EYA4: variants seen among roughly 807,000 people sequenced by gnomAD.
The protein encoded by EYA4 is EYA transcriptional coactivator and phosphatase 4, also known as protein phosphatase EYA4.
EYA4 carries 31 observed loss-of-function variants against 87.9 expected under a neutral mutation model. The ratio of observed to expected loss-of-function variants is 0.35; its 90% CI spans 0.27 to 0.48. The LOEUF (loss-of-function observed/expected upper bound fraction) is 0.48, where lower values mean the gene tolerates loss of function less well. Ranked by LOEUF, EYA4 falls within the 20% of genes least tolerant of loss-of-function variation. The pLI, the probability that EYA4 is intolerant of heterozygous loss-of-function variation, is 0.99. For missense variants in EYA4, 678 were observed against 761.4 expected (o/e 0.89, Z 1.29); for synonymous variants, 263 against 270.6 (o/e 0.97, Z 0.28).
At chr6:133,406,442 C>G (rs1788717447) in intron 3 of EYA4, among the ~76,000 whole-genome samples, 1 of 152,234 alleles carries the variant, frequency 6.6e-6, no homozygotes, top group Admixed American at 6.5e-5. Flanking sequence ...GGCACACCCA[C>G]TGAGTCACTG....
chr6:133,278,934 A>G (rs1562240273), intron 2 of EYA4, among the ~76,000 whole-genome samples: 1 of 152,182 alleles, frequency 6.6e-6, no homozygotes, highest in Non-Finnish European at 1.5e-5. Flanking sequence ...AATGTAGGTT[A>G]TACCTAGCAA....
chr6:133,372,991 A>G (rs896463397), intron 2 of EYA4, among the ~76,000 whole-genome samples: 14 of 152,196 alleles, frequency 9.2e-5, no homozygotes, highest in Non-Finnish European at 1.8e-4. Flanking sequence ...GCACACAGAT[A>G]AACTTTAACA....
At chr6:133,326,816 C>G (rs565360782) in intron 2 of EYA4, among the ~76,000 whole-genome samples, 1 of 152,126 alleles carries the variant, frequency 6.6e-6, no homozygotes, top group Admixed American at 6.5e-5. Flanking sequence ...CTTTAAGTAC[C>G]GGTGACGTCG....
At chr6:133,495,986 C>A (rs1349100236) in intron 13 of EYA4, among the ~76,000 whole-genome samples, 2 of 152,158 alleles carry the variant, frequency 1.3e-5, no homozygotes, top group Admixed American at 1.3e-4. Flanking sequence ...GGAATGCTTA[C>A]ATTTTATAGC....
At chr6:133,432,636 T>G (rs979799699) in intron 3 of EYA4, among the ~76,000 whole-genome samples, 1 of 152,152 alleles carries the variant, frequency 6.6e-6, no homozygotes, top group African/African-American at 2.4e-5. Flanking sequence ...CTTTAATGGC[T>G]CCTATTCAGG....
At chr6:133,248,184 T>G (rs993692659) in intron 1 of EYA4, 1 of 152,230 alleles carries the variant, frequency 6.6e-6, no homozygotes, top group Non-Finnish European at 1.5e-5. Flanking sequence ...CTTTAAAGAC[T>G]GTAAGAAGAA....
chr6:133,454,480 G>C (rs1026994527), intron 5 of EYA4, among the ~76,000 whole-genome samples: 1 of 152,086 alleles, frequency 6.6e-6, no homozygotes, highest in Non-Finnish European at 1.5e-5. Context: ...CACACTACTT[G>C]GTCTCAAATT....
intron 13 of EYA4, among the ~76,000 whole-genome samples, chr6:133,487,872 T>C (rs1796812647): frequency 6.6e-6 from 1 of 152,114 alleles, no homozygotes; most frequent in African/African-American, 2.4e-5. Flanking sequence ...AAAGGGGACT[T>C]CCTCTTGCAG....
rs1026298808 is a variant in EYA4, at chr6:133,260,535, G to T, written c.-65-14181G>T. On this transcript the variant is annotated intron_variant, in intron 1 of 19. Transcript: ENST00000355286. ...TTACAGGCATGAGCCACCGCACCTCGCCTGTAGTTTATAACTTTTGGTGGA... is the reference window on the plus strand; with the variant it reads ...TTACAGGCATGAGCCACCGCACCTCTCCTGTAGTTTATAACTTTTGGTGGA... 1.2e-4 allele frequency among the ~76,000 whole-genome samples: 18 copies of T among 152,242 alleles called. 1 individual carries two copies. The Middle Eastern group carries it at 0.014, about 115-fold the overall frequency.
At chr6:133,383,517 CAAAAAAAAAAAAAAAAAAA>C (rs768724484) in intron 3 of EYA4, among the ~76,000 whole-genome samples, 4 of 45,242 alleles carry the variant, frequency 8.8e-5, no homozygotes, top group Non-Finnish European at 1.5e-4. Context: ...GACTCCATCT[CAAAAAAAAAAAAAAAAAAA>C]AAAAAAAAAT....
intron 3 of EYA4, among the ~76,000 whole-genome samples, chr6:133,385,581 A>T (rs549339574): frequency 1.3e-5 from 2 of 152,270 alleles, no homozygotes; most frequent in African/African-American, 4.8e-5. Flanking sequence ...ACTACTGCCT[A>T]AAAAATGCTG....
chr6:133,303,892 T>C (rs1236163329), intron 2 of EYA4, among the ~76,000 whole-genome samples: 1 of 121,152 alleles, frequency 8.3e-6, no homozygotes, highest in African/African-American at 2.6e-5. Context: ...CTAAATTTAA[T>C]ATGAGATTAT....
intron 12 of EYA4, among the ~76,000 whole-genome samples, chr6:133,481,874 G>A (rs907347772): frequency 6.6e-6 from 1 of 152,092 alleles, no homozygotes; most frequent in Non-Finnish European, 1.5e-5. Flanking sequence ...AATTGGCACC[G>A]ACAAATTTTA....
intron 13 of EYA4, among the ~76,000 whole-genome samples, chr6:133,501,112 C>A (rs1322559171): frequency 1.3e-5 from 2 of 152,080 alleles, no homozygotes; most frequent in Non-Finnish European, 2.9e-5. Flanking sequence ...ATACCTAGCT[C>A]CCTCACCTTT....
chr6:133,531,434 C>G lies in EYA4; in HGVS notation c.*2629C>G. 1.8e-6 allele frequency: 1 copy of G among 545,670 alleles called. No individual in the cohort carries two copies. Among genetic ancestry groups the G allele is most frequent in the Non-Finnish European group, 3.3e-6 (1 of 307,252 alleles). 33.8% of individuals were successfully genotyped at this position (545,670 alleles called of 1,614,324 possible). ...ACAAAACCAACCCCTTGGCAGTTCC[C>G]ACCTCCTATTGACATATGGAATATT... is the stretch of plus-strand genomic sequence containing the variant. On this transcript the variant is annotated 3_prime_UTR_variant, in exon 20 of 20. Transcript: ENST00000355286.
At chr6:133,394,513 C>A (rs1322967219) in intron 3 of EYA4, among the ~76,000 whole-genome samples, 1 of 151,230 alleles carries the variant, frequency 6.6e-6, no homozygotes, top group Non-Finnish European at 1.5e-5. Context: ...GACTTGATGG[C>A]AAACTCAATT....
At chr6:133,383,984 A>G (rs1786482294) in intron 3 of EYA4, among the ~76,000 whole-genome samples, 1 of 152,174 alleles carries the variant, frequency 6.6e-6, no homozygotes, top group East Asian at 1.9e-4. Flanking sequence ...TGATATATGT[A>G]ATTAGATAAT....
Position 133,530,285 on chromosome 6 carries a change from G to T in EYA4, c.*1480G>T. On this transcript the variant is annotated 3_prime_UTR_variant, in exon 20 of 20. Coordinates refer to ENST00000355286, the MANE Select transcript of EYA4 (RefSeq NM_004100.5). ...TAGTTTCTGCCTGTATTGTCACTGCGCAACGGATGGCATTCATTACAAGAA... is the reference window on the plus strand; with the variant it reads ...TAGTTTCTGCCTGTATTGTCACTGCTCAACGGATGGCATTCATTACAAGAA... 4.1e-6 allele frequency: 4 copies of T among 985,380 alleles called. No homozygotes were observed. The highest frequency in any genetic ancestry group is 4.8e-6 in the Non-Finnish European group (4 of 829,918). 61.0% of individuals were successfully genotyped at this position (985,380 alleles called of 1,614,324 possible).
intron 10 of EYA4, among the ~76,000 whole-genome samples, 200 bp from the exon 11 acceptor site, chr6:133,468,366 A>G (rs527536112): frequency 6.6e-6 from 1 of 152,220 alleles, no homozygotes; most frequent in East Asian, 1.9e-4. Context: ...TGCCAAAACA[A>G]TAGGGTATTT....
Sources: allele counts gnomAD v4.1 joint callset (sites outside exome capture counted in the v4.1 genomes callset), GRCh38; gene constraint gnomAD v4.1.1; transcripts MANE v1.5; gene names NCBI Gene and HGNC (gene_info 2026-07-23, HGNC 2026-07-21).